The following SAXO1 variants were observed in gnomAD, a reference collection of about 807,000 sequenced individuals.
SAXO1 encodes stabilizer of axonemal microtubules 1, also known as 4930500O09Rik.
Under a neutral mutation model 17.5 loss-of-function variants are expected in SAXO1, and 21 were observed. The observed-to-expected ratio is 1.20, with a 90% CI of 0.85 to 1.72. SAXO1 has a LOEUF of 1.72. Among genes scored for constraint, SAXO1 ranks in the 40% most tolerant of loss-of-function variants. The pLI is 0.00. For synonymous variants in SAXO1, 274 were observed against 216.5 expected, an observed-to-expected ratio of 1.27 and a Z score of -2.33; for missense variants, 843 against 596.0, an observed-to-expected ratio of 1.41 and a Z score of -4.32.
At chr9:18,998,142 A>T (rs1244629341) in intron 1 of SAXO1, among the ~76,000 whole-genome samples, 3 of 152,202 alleles carry the variant, frequency 2.0e-5, no homozygotes, top group Non-Finnish European at 4.4e-5. Flanking sequence ...TAGGCTTCAG[A>T]AGGTTGGTAA....
intron 1 of SAXO1, among the ~76,000 whole-genome samples, chr9:19,012,761 T>C (rs1834802922): frequency 6.6e-6 from 1 of 152,202 alleles, no homozygotes; most frequent in African/African-American, 2.4e-5. Flanking sequence ...CCAGCAAAAA[T>C]GAGTTTCTAG....
Position 19,033,102 on chromosome 9 carries a change from C to T in SAXO1, c.-194G>A, listed in dbSNP as rs574728964. ...TTGCCCTCCTGGAGCTGGCCTAGCG[C>T]GAGGTAGCAGCAGGGGGCTTGCACG... On this transcript the variant is annotated 5_prime_UTR_variant, in exon 1 of 4. Transcript: ENST00000380534. 15 of 540,742 alleles carry T rather than the reference C, an allele frequency of 2.8e-5. No individual in the cohort carries two copies. The highest frequency in any genetic ancestry group is 9.7e-5 in the East Asian group (3 of 30,844). 33.5% of individuals were successfully genotyped at this position (540,742 alleles called of 1,614,324 possible).
chr9:19,010,616 T>G (rs549243005), intron 1 of SAXO1, among the ~76,000 whole-genome samples: 7 of 152,196 alleles, frequency 4.6e-5, no homozygotes, highest in Non-Finnish European at 1.0e-4. Context: ...TTCTGTACTC[T>G]TTACTTGTTT....
intron 1 of SAXO1, among the ~76,000 whole-genome samples, chr9:19,002,203 T>C (rs574444409): frequency 4.6e-5 from 7 of 152,280 alleles, no homozygotes; most frequent in South Asian, 2.1e-4. Flanking sequence ...CAGGAAGAAG[T>C]TGAATCTCTG....
In SAXO1 at chr9:18,928,893, T is replaced by C. The variant is rs1830909993; in HGVS notation, c.584A>G (p.Lys195Arg). The C allele has an allele frequency of 1.9e-6, 3 of 1,614,070 alleles. No homozygotes were observed. The highest frequency in any genetic ancestry group is 1.7e-6 in the Non-Finnish European group (2 of 1,180,052). ...TISCKPLAMP[K>R]LCNIPLEDVT... ...ATCCTCCAAGGGGATGTTACAGAGCTTTGGCATGGCCAGAGGTTTACAGCT... is the reference window on the plus strand; with the variant it reads ...ATCCTCCAAGGGGATGTTACAGAGCCTTGGCATGGCCAGAGGTTTACAGCT... Residue 195 changes from lysine (K) to arginine (R), a missense_variant, in exon 4 of 4, where the codon AAG becomes AGG. Coordinates refer to ENST00000380534, the MANE Select transcript of SAXO1 (RefSeq NM_153707.4).
At chr9:19,023,018 GA>G (rs1835312690) in intron 1 of SAXO1, among the ~76,000 whole-genome samples, 1 of 152,234 alleles carries the variant, frequency 6.6e-6, no homozygotes, top group African/African-American at 2.4e-5. Context: ...ATAAATGCTG[GA>G]CTCAAGTGTA....
intron 2 of SAXO1, among the ~76,000 whole-genome samples, chr9:18,943,563 G>C (rs1050956412): frequency 2.0e-5 from 3 of 152,238 alleles, no homozygotes; most frequent in Admixed American, 6.5e-5. Context: ...TGAGTGGAAA[G>C]GGACTCTTGG....
chr9:18,983,379 A>G (rs1833473976), intron 1 of SAXO1, among the ~76,000 whole-genome samples: 1 of 152,222 alleles, frequency 6.6e-6, no homozygotes, highest in South Asian at 2.1e-4. Context: ...AAACCACCCC[A>G]TGATCCAATT....
At chr9:18,991,572 G>A (rs919069624) in intron 1 of SAXO1, among the ~76,000 whole-genome samples, 1 of 152,058 alleles carries the variant, frequency 6.6e-6, no homozygotes, top group East Asian at 1.9e-4. Flanking sequence ...GTCGCGGAGT[G>A]GGGGAAAGGG....
chr9:18,970,597 A>G (rs557552440), intron 1 of SAXO1, among the ~76,000 whole-genome samples: 1 of 152,308 alleles, frequency 6.6e-6, no homozygotes, highest in South Asian at 2.1e-4. Flanking sequence ...ATCTACACGC[A>G]TATGAGATAC....
chr9:19,001,892 A>G (rs1834286456), intron 1 of SAXO1, among the ~76,000 whole-genome samples: 1 of 152,150 alleles, frequency 6.6e-6, no homozygotes, highest in African/African-American at 2.4e-5. Context: ...AATAACTAAA[A>G]TCAGAGCAGA....
intron 1 of SAXO1, among the ~76,000 whole-genome samples, chr9:18,964,206 C>T (rs1832620047): frequency 6.6e-6 from 1 of 152,186 alleles, no homozygotes; most frequent in Admixed American, 6.5e-5. Context: ...TATTAACGTT[C>T]ATCAGGGATA....
At chr9:18,938,731 T>C (rs1831409362) in intron 3 of SAXO1, among the ~76,000 whole-genome samples, 1 of 151,814 alleles carries the variant, frequency 6.6e-6, no homozygotes, top group Non-Finnish European at 1.5e-5. Context: ...GATGTAGCTG[T>C]ATGGACAAAG....
intron 1 of SAXO1, among the ~76,000 whole-genome samples, chr9:18,959,748 G>A (rs1405249095): frequency 1.3e-5 from 2 of 151,350 alleles, no homozygotes; most frequent in African/African-American, 2.4e-5. Flanking sequence ...TCCAGCCTGG[G>A]CAACAAGAGT....
chr9:19,001,848 G>A (rs1460098704), intron 1 of SAXO1, among the ~76,000 whole-genome samples: 1 of 151,938 alleles, frequency 6.6e-6, no homozygotes, highest in East Asian at 1.9e-4. Flanking sequence ...AGGGAAGCAA[G>A]AGCAAACAAA....
intron 1 of SAXO1, among the ~76,000 whole-genome samples, chr9:19,017,231 C>G (rs946075157): frequency 2.0e-5 from 3 of 152,018 alleles, no homozygotes; most frequent in African/African-American, 7.2e-5. Context: ...TGGAGTGACA[C>G]TGGAGAATAC....
At chr9:19,023,152 C>T (rs547667108) in intron 1 of SAXO1, among the ~76,000 whole-genome samples, 26 of 132,092 alleles carry the variant, frequency 2.0e-4, no homozygotes, top group African/African-American at 7.2e-4. Context: ...CCCCCCCACC[C>T]CCCCGCCCCA....
At chr9:19,016,113 T>A (rs1234275148) in intron 1 of SAXO1, among the ~76,000 whole-genome samples, 1 of 152,152 alleles carries the variant, frequency 6.6e-6, no homozygotes, top group Non-Finnish European at 1.5e-5. Flanking sequence ...GATCCATTCC[T>A]GTGATAAAGC....
chr9:18,950,986 C>A (rs775628130), intron 1 of SAXO1, 49 bp from the exon 2 acceptor site: 2 of 1,544,312 alleles, frequency 1.3e-6, no homozygotes, highest in Admixed American at 1.8e-5. Context: ...GAGAAAAAAA[C>A]CCAATTTCCT....
Sources: allele counts gnomAD v4.1 joint callset (sites outside exome capture counted in the v4.1 genomes callset), GRCh38; gene constraint gnomAD v4.1.1; transcripts MANE v1.5; gene names NCBI Gene and HGNC (gene_info 2026-07-23, HGNC 2026-07-21).